The following TLN2 variants were observed in gnomAD, a reference collection of about 807,000 sequenced individuals.
TLN2 encodes talin 2, also known as talin-2.
Under a neutral mutation model 294.7 loss-of-function variants are expected in TLN2, and 118 were observed. That is an observed-to-expected ratio of 0.40 (90% CI 0.34 to 0.47). The LOEUF is 0.47. Among genes scored for constraint, TLN2 ranks in the 20% least tolerant of loss-of-function variants. The pLI is 0.84. For missense variants in TLN2, 3,083 were observed against 3,282.2 expected (o/e 0.94, Z 1.48); for synonymous variants, 1,431 against 1,304.5 (o/e 1.10, Z -2.09).
chr15:62,689,514 TATC>T (rs763797122), intron 12 of TLN2, among the ~76,000 whole-genome samples: 2 of 152,294 alleles, frequency 1.3e-5, no homozygotes, highest in African/African-American at 2.4e-5. Context: ...CTTCTTCTGT[TATC>T]ATTTTGTGTT....
intron 1 of TLN2, among the ~76,000 whole-genome samples, chr15:62,457,448 C>T (rs970154735): frequency 6.6e-6 from 1 of 152,198 alleles, no homozygotes; most frequent in African/African-American, 2.4e-5. Flanking sequence ...TGATTGAGTT[C>T]ATAGCAGGGG....
At chr15:62,789,018 G>T (rs367966515) in intron 45 of TLN2, among the ~76,000 whole-genome samples, 12 of 152,320 alleles carry the variant, frequency 7.9e-5, no homozygotes, top group African/African-American at 2.9e-4. Flanking sequence ...GCTGCCCAAA[G>T]GGGTGAAACA....
At chr15:62,567,592 T>C (rs150870081) in intron 1 of TLN2, among the ~76,000 whole-genome samples, 6,687 of 152,176 alleles carry the variant, frequency 0.044, 480 homozygotes, top group African/African-American at 0.15. Context: ...CCCAGCACTT[T>C]GGGAGGCCAA....
At chr15:62,800,102 C>G (rs1250788830) in intron 48 of TLN2, among the ~76,000 whole-genome samples, 4 of 152,206 alleles carry the variant, frequency 2.6e-5, no homozygotes, top group African/African-American at 4.8e-5. Context: ...AAGTTGCTGG[C>G]TAGGAGGTTT....
chr15:62,492,836 T>C (rs938985168), intron 1 of TLN2, among the ~76,000 whole-genome samples: 2 of 152,208 alleles, frequency 1.3e-5, no homozygotes, highest in Non-Finnish European at 2.9e-5. Flanking sequence ...CAGAATTCCA[T>C]AGCAGAAAAA....
intron 1 of TLN2, among the ~76,000 whole-genome samples, chr15:62,561,665 C>CTT (rs200031936): frequency 1.3e-5 from 2 of 151,376 alleles, no homozygotes; most frequent in Non-Finnish European, 3.0e-5. Flanking sequence ...GTCTCTCTCT[C>CTT]TTTTTTTTTC....
intron 1 of TLN2, among the ~76,000 whole-genome samples, chr15:62,516,443 G>A (rs1177232254): frequency 6.6e-6 from 1 of 152,166 alleles, no homozygotes. Flanking sequence ...TCTGCCTGAA[G>A]AATTCTACAT....
intron 1 of TLN2, among the ~76,000 whole-genome samples, chr15:62,454,032 C>T (rs1437257378): frequency 6.6e-6 from 1 of 152,180 alleles, no homozygotes; most frequent in Non-Finnish European, 1.5e-5. Context: ...GAGTGGCTGC[C>T]TGCTGCAAGG....
At chr15:62,752,244 C>G in intron 34 of TLN2, 61 bp from the exon 35 acceptor site, 1 of 1,595,718 alleles carries the variant, frequency 6.3e-7, no homozygotes, top group East Asian at 2.3e-5. Context: ...GTGTAGCCTC[C>G]TTTACCCCTT....
At chr15:62,770,362 C>T (rs2063278997) in intron 41 of TLN2, among the ~76,000 whole-genome samples, 1 of 152,222 alleles carries the variant, frequency 6.6e-6, no homozygotes, top group Admixed American at 6.5e-5. Flanking sequence ...GCAGTGCCCT[C>T]CTGGAAAGAG....
chr15:62,585,045 T>C (rs1014535385), intron 1 of TLN2, among the ~76,000 whole-genome samples: 1 of 152,154 alleles, frequency 6.6e-6, no homozygotes, highest in Admixed American at 6.5e-5. Flanking sequence ...CTGAGTGTGG[T>C]GTCACACTGT....
chr15:62,507,222 T>A (rs1323175163), intron 1 of TLN2, among the ~76,000 whole-genome samples: 1 of 152,230 alleles, frequency 6.6e-6, no homozygotes, highest in Non-Finnish European at 1.5e-5. Context: ...TCTTAGGTGT[T>A]GAAATGTCTG....
At chr15:62,672,918 G>A (rs1428384220) in intron 9 of TLN2, among the ~76,000 whole-genome samples, 1 of 152,134 alleles carries the variant, frequency 6.6e-6, no homozygotes, top group East Asian at 1.9e-4. Flanking sequence ...AATAAAAGAT[G>A]CAGAATGTTT....
At position 62,451,489 on chromosome 15, in the gene TLN2, C is replaced by T. The variant is rs951857299; in HGVS notation, c.-238+60804C>T. ...GGCTAACATGGGTGAAACCCCGTCTCTACTAAAAATACAAAAAATTAGCTA... is the reference window on the plus strand; with the variant it reads ...GGCTAACATGGGTGAAACCCCGTCTTTACTAAAAATACAAAAAATTAGCTA... On this transcript the variant is annotated intron_variant, in intron 1 of 58. Coordinates refer to ENST00000636159, the MANE Select transcript of TLN2 (RefSeq NM_015059.3). Among the ~76,000 whole-genome samples the T allele has an allele frequency of 3.3e-5, 5 of 152,294 alleles. No individual in the cohort carries two copies. In the South Asian group the frequency reaches 6.2e-4, roughly 19 times the overall value.
intron 1 of TLN2, among the ~76,000 whole-genome samples, chr15:62,445,355 T>G (rs1048163304): frequency 6.6e-6 from 1 of 152,202 alleles, no homozygotes; most frequent in Non-Finnish European, 1.5e-5. Context: ...GTATATGCTA[T>G]ATACGTTAGA....
In TLN2 at chr15:62,602,936, A is replaced by G. The variant is rs975140192; in HGVS notation, c.-162+13174A>G. 2.7e-5 allele frequency among the ~76,000 whole-genome samples: 4 copies of G among 150,170 alleles called. No individual in the cohort carries two copies. The East Asian group carries it at 7.8e-4, about 29-fold the overall frequency. The stretch of plus-strand genomic sequence containing the variant: ...GAGACTGAGTCTCGCTCTGTTGCCC[A>G]GGCTGGAGTGCAGTGGCGCGATCTT... On this transcript the variant is annotated intron_variant, in intron 2 of 58. Coordinates refer to ENST00000636159, the MANE Select transcript of TLN2 (RefSeq NM_015059.3).
At chr15:62,611,304 T>C (rs7174909) in intron 2 of TLN2, among the ~76,000 whole-genome samples, 73,684 of 152,048 alleles carry the variant, frequency 0.48, 18,065 homozygotes, top group East Asian at 0.59. Flanking sequence ...ACCATGCCAT[T>C]TGGGAAACAG....
At position 62,688,228 on chromosome 15, in the gene TLN2, C is replaced by T. The variant is rs138219182; in HGVS notation, c.1113+1432C>T. ...TAACAGTATTTTGATTAAAGCATAACGTCACATTAAAGCCCATTATACGTA... is the reference window on the plus strand; with the variant it reads ...TAACAGTATTTTGATTAAAGCATAATGTCACATTAAAGCCCATTATACGTA... On this transcript the variant is annotated intron_variant, in intron 12 of 58. Transcript: ENST00000636159. Among the ~76,000 whole-genome samples, 329 of 152,278 alleles carry T rather than the reference C, an allele frequency of 2.2e-3. 2 individuals carry two copies. Among genetic ancestry groups the T allele is most frequent in the African/African-American group, 7.7e-3 (319 of 41,562 alleles).
chr15:62,711,715 C>T (rs759199455), intron 21 of TLN2, among the ~76,000 whole-genome samples, 196 bp from the exon 22 acceptor site: 8 of 152,164 alleles, frequency 5.3e-5, no homozygotes, highest in African/African-American at 1.4e-4. Context: ...TTTGGGGAGC[C>T]GCATCCTGGC....
Sources: gnomAD v4.1 joint callset for allele counts (sites outside exome capture counted in the v4.1 genomes callset) on GRCh38, gnomAD v4.1.1 for gene constraint, MANE v1.5 for transcripts, NCBI Gene and HGNC (gene_info 2026-07-23, HGNC 2026-07-21) for gene names.